Variants in SOX6 observed in about 807,000 individuals in gnomAD.
SOX6 encodes transcription factor SOX-6.
In SOX6, 11 loss-of-function variants were observed where a neutral mutation model predicts 97.8. The observed-to-expected ratio is 0.11, with a 90% CI of 0.07 to 0.19. The LOEUF (loss-of-function observed/expected upper bound fraction) is 0.19, where lower values mean the gene tolerates loss of function less well. Among genes scored for constraint, SOX6 ranks in the 10% least tolerant of loss-of-function variants. The probability of loss-of-function intolerance (pLI) is 1.00; values close to 1 mark genes in which losing one functional copy is unlikely to be tolerated. For synonymous variants in SOX6, 360 were observed against 371.4 expected (o/e 0.97, Z 0.35); for missense variants, 810 against 1,039.5 (o/e 0.78, Z 3.04).
intron 3 of SOX6, among the ~76,000 whole-genome samples, chr11:16,310,345 C>T (rs1300198727): frequency 1.3e-5 from 2 of 151,930 alleles, no homozygotes; most frequent in Non-Finnish European, 2.9e-5. Flanking sequence ...ATACTTAACA[C>T]GAAAATAGAC....
At chr11:16,498,808 G>A (rs893462822) in intron 4 of SOX6, among the ~76,000 whole-genome samples, 4 of 152,126 alleles carry the variant, frequency 2.6e-5, no homozygotes, top group African/African-American at 9.7e-5. Flanking sequence ...GATTCATAAA[G>A]CAAGTCCTTA....
chr11:16,706,534 G>A (rs1331498406), intron 3 of SOX6, among the ~76,000 whole-genome samples: 1 of 97,346 alleles, frequency 1.0e-5, no homozygotes, highest in Non-Finnish European at 1.8e-5. Context: ...AGTGTAAGAC[G>A]GTATTTTCTA....
chr11:16,069,936 C>T (rs1286924706), intron 9 of SOX6, among the ~76,000 whole-genome samples: 1 of 152,056 alleles, frequency 6.6e-6, no homozygotes, highest in East Asian at 1.9e-4. Context: ...GCAGGTGGAT[C>T]ATGAGGTCAG....
At chr11:16,385,310 TATTTC>T (rs1857949312) in intron 1 of SOX6, among the ~76,000 whole-genome samples, 2 of 152,262 alleles carry the variant, frequency 1.3e-5, no homozygotes, top group South Asian at 4.1e-4. Context: ...CAGCTGTGAC[TATTTC>T]ATTTCTTTTC....
At chr11:16,547,462 T>TA in intron 4 of SOX6, among the ~76,000 whole-genome samples, 1 of 152,120 alleles carries the variant, frequency 6.6e-6, no homozygotes, top group South Asian at 2.1e-4. Context: ...TATTCAGCCA[T>TA]AAAAAAGAAT....
chr11:16,321,532 A>T (rs1255262351), intron 2 of SOX6, among the ~76,000 whole-genome samples: 1 of 152,012 alleles, frequency 6.6e-6, no homozygotes, highest in Non-Finnish European at 1.5e-5. Flanking sequence ...ACGCATTGTT[A>T]TGGACTTGTT....
At chr11:16,276,098 T>C (rs1854392907) in intron 3 of SOX6, among the ~76,000 whole-genome samples, 1 of 152,168 alleles carries the variant, frequency 6.6e-6, no homozygotes, top group Non-Finnish European at 1.5e-5. Flanking sequence ...CAAGTCCAGA[T>C]AGCTAATATA....
At chr11:16,132,421 GAAAGAAAGAAAGAAAGAAAGAAAAA>G (rs1849816691) in intron 6 of SOX6, among the ~76,000 whole-genome samples, 2 of 95,570 alleles carry the variant, frequency 2.1e-5, no homozygotes, top group African/African-American at 9.8e-5. Context: ...AAGAAAGAAA[GAAAGAAAGAAAGAAAGAAAGAAAAA>G]AGAAAGAAAG....
chr11:16,396,761 T>C (rs559715744), intron 1 of SOX6, among the ~76,000 whole-genome samples: 9 of 151,726 alleles, frequency 5.9e-5, no homozygotes, highest in African/African-American at 2.2e-4. Flanking sequence ...TCTTATAGAA[T>C]TGAATATTGA....
At chr11:16,668,356 C>G (rs1847822902) in intron 3 of SOX6, among the ~76,000 whole-genome samples, 1 of 151,908 alleles carries the variant, frequency 6.6e-6, no homozygotes, top group Admixed American at 6.6e-5. Context: ...CTGGGTGACA[C>G]AGGGAGACTC....
intron 6 of SOX6, among the ~76,000 whole-genome samples, chr11:16,125,209 T>C (rs1374324391): frequency 6.6e-6 from 1 of 152,040 alleles, no homozygotes; most frequent in Non-Finnish European, 1.5e-5. Flanking sequence ...TCTATTTGGA[T>C]ACTGATACAT....
intron 1 of SOX6, among the ~76,000 whole-genome samples, chr11:16,365,761 G>A (rs1168686753): frequency 6.6e-6 from 1 of 152,082 alleles, no homozygotes; most frequent in Non-Finnish European, 1.5e-5. Flanking sequence ...ATGCTGTTTG[G>A]TGTCATGTTG....
chr11:16,635,341 T>G (rs1200468585), intron 3 of SOX6, among the ~76,000 whole-genome samples: 1 of 152,114 alleles, frequency 6.6e-6, no homozygotes, highest in Non-Finnish European at 1.5e-5. Flanking sequence ...TGGCCTCAGA[T>G]GGAGATGAGG....
At chr11:16,232,536 AAGACTAG>A (rs1432761573) in intron 4 of SOX6, among the ~76,000 whole-genome samples, 3 of 152,230 alleles carry the variant, frequency 2.0e-5, no homozygotes, top group East Asian at 3.9e-4. Context: ...CCAAGTATCC[AAGACTAG>A]CACATTTTTT....
intron 1 of SOX6, among the ~76,000 whole-genome samples, chr11:16,406,208 A>G (rs1858684244): frequency 6.6e-6 from 1 of 152,068 alleles, no homozygotes; most frequent in Admixed American, 6.6e-5. Flanking sequence ...AACAGGAAAT[A>G]TTGTCATTGG....
chr11:16,165,463 T>C (rs1850863536), intron 6 of SOX6, among the ~76,000 whole-genome samples: 1 of 152,138 alleles, frequency 6.6e-6, no homozygotes, highest in South Asian at 2.1e-4. Flanking sequence ...ATTATAGAAG[T>C]TAAAATGCTT....
At chr11:16,512,880 T>TC (rs1191281505) in intron 4 of SOX6, among the ~76,000 whole-genome samples, 1 of 152,174 alleles carries the variant, frequency 6.6e-6, no homozygotes, top group Non-Finnish European at 1.5e-5. Context: ...AACCACTGCC[T>TC]GAGTAATCAG....
At chr11:16,186,508 T>C (rs528125874) in intron 5 of SOX6, among the ~76,000 whole-genome samples, 4 of 152,258 alleles carry the variant, frequency 2.6e-5, no homozygotes, top group Non-Finnish European at 4.4e-5. Context: ...TCTATATGAA[T>C]AAGCATCCCC....
intron 13 of SOX6, among the ~76,000 whole-genome samples, chr11:16,001,928 A>G (rs1198335064): frequency 2.6e-5 from 4 of 152,224 alleles, no homozygotes; most frequent in Non-Finnish European, 4.4e-5. Flanking sequence ...CTCTGAGGAA[A>G]CATAAACCTC....
Sources: gnomAD v4.1 joint callset for allele counts (sites outside exome capture counted in the v4.1 genomes callset) on GRCh38, gnomAD v4.1.1 for gene constraint, MANE v1.5 for transcripts, NCBI Gene and HGNC (gene_info 2026-07-23, HGNC 2026-07-21) for gene names.